Variants in LMTK2 observed in about 807,000 individuals in gnomAD.
LMTK2 encodes lemur tail kinase 2.
In LMTK2, 37 loss-of-function variants were observed where a neutral mutation model predicts 127.5. That is an observed-to-expected ratio of 0.29 (90% CI 0.22 to 0.38). The LOEUF is 0.38. Among genes scored for constraint, LMTK2 ranks in the 10% least tolerant of loss-of-function variants. The pLI is 1.00. For synonymous variants in LMTK2, 819 were observed against 810.1 expected (o/e 1.01, Z -0.19); for missense variants, 1,694 against 1,920.3 (o/e 0.88, Z 2.20).
intron 1 of LMTK2, among the ~76,000 whole-genome samples, chr7:98,108,041 G>GA (rs966122267): frequency 5.6e-4 from 84 of 151,128 alleles, no homozygotes; most frequent in African/African-American, 1.7e-3. Context: ...TTCTAAAAAG[G>GA]AAAAAAAAAT....
chr7:98,204,235 G>GCC, intron 13 of LMTK2, 49 bp downstream of exon 13: 1 of 747,706 alleles, frequency 1.3e-6, no homozygotes, highest in Non-Finnish European at 2.4e-6. Flanking sequence ...TCGGGGGTGG[G>GCC]GCGCTGCAGC....
chr7:98,192,761 T>G lies in LMTK2; in HGVS notation c.2296T>G (p.Ser766Ala). Residue 766 changes from serine to alanine, a missense_variant, in exon 11 of 14, where the codon TCT becomes GCT. Physicochemically the swap from Ser to Ala is moderately conservative, Grantham distance 99. Coordinates refer to ENST00000297293, the MANE Select transcript of LMTK2 (RefSeq NM_014916.4). ...EAMLETSCRN[S>A]LDTELQFAEN... ...TATGTTAGAAACGTCATGTAGAAAC[T>G]CTTTAGATACTGAGCTTCAGTTTGC... 6.2e-7 allele frequency: 1 copy of G among 1,613,750 alleles called. No homozygotes were observed. Among genetic ancestry groups the G allele is most frequent in the South Asian group, 1.1e-5 (1 of 90,988 alleles).
At position 98,197,553 on chromosome 7, in the gene LMTK2, CTG is replaced by C. The variant is rs1797642800; in HGVS notation, c.4107+2983_4107+2984del. ...GTTCCCTCCAGCCTGATCCGTCATACTGTAAACAAGCACTGAAGGCTGGGCAC... is the reference window on the plus strand; with the variant it reads ...GTTCCCTCCAGCCTGATCCGTCATACTAAACAAGCACTGAAGGCTGGGCAC... On this transcript the variant is annotated intron_variant, in intron 11 of 13. Transcript: ENST00000297293. Among the ~76,000 whole-genome samples the C allele has an allele frequency of 2.0e-5, 3 of 152,212 alleles. No individual in the cohort carries two copies. In the South Asian group the frequency reaches 6.2e-4, roughly 31 times the overall value.
intron 1 of LMTK2, among the ~76,000 whole-genome samples, chr7:98,133,353 T>C (rs1272539939): frequency 6.6e-6 from 1 of 152,186 alleles, no homozygotes; most frequent in Admixed American, 6.5e-5. Flanking sequence ...CAGGGACTGG[T>C]TTCTAGTTTG....
chr7:98,164,765 C>T (rs1015763957), intron 6 of LMTK2, among the ~76,000 whole-genome samples: 1 of 152,078 alleles, frequency 6.6e-6, no homozygotes, highest in African/African-American at 2.4e-5. Context: ...GGACAGAGAA[C>T]AAAGCACGCT....
At position 98,206,112 on chromosome 7, in the gene LMTK2, G is replaced by A. The variant is rs1797794096; in HGVS notation, c.*620G>A. ...TTATAGTTTGCGCTGCATGGTACTTGTGAAGCTTAAATATTTTGAGTGTTC... is the reference window on the plus strand; with the variant it reads ...TTATAGTTTGCGCTGCATGGTACTTATGAAGCTTAAATATTTTGAGTGTTC... On this transcript the variant is annotated 3_prime_UTR_variant, in exon 14 of 14. Coordinates refer to ENST00000297293, the MANE Select transcript of LMTK2 (RefSeq NM_014916.4). 1 of 153,018 alleles carries A rather than the reference G, an allele frequency of 6.5e-6. No homozygotes were observed. The highest frequency in any genetic ancestry group is 1.5e-5 in the Non-Finnish European group (1 of 68,430). 9.5% of individuals were successfully genotyped at this position (153,018 alleles called of 1,614,324 possible).
intron 1 of LMTK2, among the ~76,000 whole-genome samples, chr7:98,108,983 T>C (rs970103780): frequency 1.3e-5 from 2 of 150,028 alleles, no homozygotes; most frequent in South Asian, 4.3e-4. Flanking sequence ...TGCCTCAGCC[T>C]CCTGTGTAGC....
intron 7 of LMTK2, among the ~76,000 whole-genome samples, chr7:98,184,416 C>T (rs1022546209): frequency 2.0e-5 from 3 of 151,906 alleles, no homozygotes; most frequent in African/African-American, 7.3e-5. Context: ...ACTTTATTGT[C>T]GCCTGACAGT....
At chr7:98,199,968 T>A (rs1230734025) in intron 11 of LMTK2, among the ~76,000 whole-genome samples, 2 of 152,254 alleles carry the variant, frequency 1.3e-5, no homozygotes, top group Non-Finnish European at 2.9e-5. Context: ...CATTTACCTT[T>A]AATAAAATTA....
chr7:98,132,197 A>G (rs1796529234), intron 1 of LMTK2, among the ~76,000 whole-genome samples: 1 of 152,124 alleles, frequency 6.6e-6, no homozygotes, highest in African/African-American at 2.4e-5. Context: ...TGATGATACC[A>G]CAAAACAGTG....
At chr7:98,157,775 G>A (rs1256797685) in intron 5 of LMTK2, among the ~76,000 whole-genome samples, 1 of 151,922 alleles carries the variant, frequency 6.6e-6, no homozygotes, top group Non-Finnish European at 1.5e-5. Flanking sequence ...AATATTCTTA[G>A]AATGAGAACA....
intron 11 of LMTK2, among the ~76,000 whole-genome samples, chr7:98,195,125 C>G (rs1562922643): frequency 6.6e-6 from 1 of 152,250 alleles, no homozygotes; most frequent in East Asian, 1.9e-4. Flanking sequence ...TCAAGCCATC[C>G]TCCCACCTCA....
At chr7:98,180,341 A>G (rs933424902) in intron 7 of LMTK2, among the ~76,000 whole-genome samples, 5 of 152,222 alleles carry the variant, frequency 3.3e-5, no homozygotes, top group Non-Finnish European at 7.3e-5. Context: ...CAGCTTTGAT[A>G]TCTTCAGTTT....
intron 1 of LMTK2, among the ~76,000 whole-genome samples, chr7:98,113,557 G>A (rs1056436735): frequency 6.6e-6 from 1 of 152,082 alleles, no homozygotes; most frequent in African/African-American, 2.4e-5. Context: ...CACCGCACCT[G>A]GCCCTTTCTC....
chr7:98,137,463 C>T (rs1323109144), intron 2 of LMTK2, 21 bp downstream of exon 2: 3 of 1,598,202 alleles, frequency 1.9e-6, no homozygotes, highest in Non-Finnish European at 2.6e-6. Flanking sequence ...AGGGTAGGAA[C>T]ATTTAAAATG....
At chr7:98,147,431 A>G (rs1483178480) in intron 3 of LMTK2, among the ~76,000 whole-genome samples, 4 of 152,098 alleles carry the variant, frequency 2.6e-5, no homozygotes, top group Non-Finnish European at 5.9e-5. Flanking sequence ...TGTGTTGCCT[A>G]ATTAACTGGT....
At chr7:98,160,090 A>G (rs1245342758) in intron 6 of LMTK2, among the ~76,000 whole-genome samples, 2 of 152,156 alleles carry the variant, frequency 1.3e-5, no homozygotes, top group African/African-American at 4.8e-5. Context: ...ATCTTTTTTA[A>G]AAGCCCATTT....
chr7:98,135,739 C>T (rs550193392), intron 1 of LMTK2, among the ~76,000 whole-genome samples: 14 of 152,098 alleles, frequency 9.2e-5, no homozygotes, highest in African/African-American at 2.9e-4. Context: ...ATATGTTTTC[C>T]GGATAATGAA....
At chr7:98,181,261 A>G (rs1797351940) in intron 7 of LMTK2, among the ~76,000 whole-genome samples, 1 of 152,180 alleles carries the variant, frequency 6.6e-6, no homozygotes, top group Non-Finnish European at 1.5e-5. Context: ...TTCACATGTC[A>G]ACTAGATTTG....
Sources: gnomAD v4.1 joint callset for allele counts (sites outside exome capture counted in the v4.1 genomes callset) on GRCh38, gnomAD v4.1.1 for gene constraint, MANE v1.5 for transcripts, NCBI Gene and HGNC (gene_info 2026-07-23, HGNC 2026-07-21) for gene names.